The following LRP6 variants were observed in gnomAD, a reference collection of about 807,000 sequenced individuals.
LRP6 encodes the protein low-density lipoprotein receptor-related protein 6.
LRP6 carries 43 observed loss-of-function variants against 184.1 expected under a neutral mutation model. The ratio of observed to expected loss-of-function variants is 0.23; its 90% CI spans 0.18 to 0.30. LRP6 has a LOEUF of 0.30. Ranked by LOEUF, LRP6 falls within the 10% of genes least tolerant of loss-of-function variation. The probability of loss-of-function intolerance (pLI) is 1.00; values close to 1 mark genes in which losing one functional copy is unlikely to be tolerated. For synonymous variants in LRP6, 719 were observed against 684.9 expected (o/e 1.05, Z -0.78); for missense variants, 1,571 against 2,005.3 (o/e 0.78, Z 4.14).
chr12:12,164,565 A>G lies in LRP6; in HGVS notation c.1763-3T>C. ...TTCCTCAGCACAGGGGTTGGAACCT[A>G]AAAGATTAATTATAAAAGGGGCACA... On this transcript the variant is annotated splice_region_variant and splice_polypyrimidine_tract_variant and intron_variant, in intron 8 of 22. Transcript: ENST00000261349. 1 of 1,614,064 alleles carries G rather than the reference A, an allele frequency of 6.2e-7. No homozygotes were observed.
intron 2 of LRP6, among the ~76,000 whole-genome samples, chr12:12,231,180 C>CAAAAAAAAAAAAAAAAAAAAAAAAA (rs10661340): frequency 4.2e-5 from 1 of 23,558 alleles, no homozygotes; most frequent in Non-Finnish European, 6.6e-5. Flanking sequence ...GACTCCATCT[C>CAAAAAAAAAAAAAAAAAAAAAAAAA]AAAAAAAAAA....
At chr12:12,181,494 C>G (rs1342122030) in intron 5 of LRP6, 55 bp from the exon 6 acceptor site, 3 of 857,448 alleles carry the variant, frequency 3.5e-6, no homozygotes, top group Non-Finnish European at 6.0e-6. Flanking sequence ...TAAAATTTAC[C>G]TGCTCTAGAT....
chr12:12,254,173 A>C (rs1045668220), intron 1 of LRP6, among the ~76,000 whole-genome samples: 2 of 151,308 alleles, frequency 1.3e-5, no homozygotes, highest in Non-Finnish European at 2.9e-5. Context: ...AAAGAAAGAA[A>C]GAAAAAGGAA....
rs555876524 is a variant in LRP6 at position 12,155,721 on chromosome 12, T to C, written c.2791+3108A>G. 342 of 1,049,952 alleles carry C rather than the reference T, an allele frequency of 3.3e-4. 5 individuals carry two copies. In the South Asian group the frequency reaches 3.9e-3, roughly 12 times the overall value. 65.0% of individuals were successfully genotyped at this position (1,049,952 alleles called of 1,614,324 possible). On this transcript the variant is annotated intron_variant, in intron 12 of 22. Coordinates refer to ENST00000261349, the MANE Select transcript of LRP6 (RefSeq NM_002336.3). ...GAGAAGCATATTTTGTGAGAACCAG[T>C]GGGAAGGAGCCTGAGCTGCTGGAAC... is the stretch of plus-strand genomic sequence containing the variant.
intron 2 of LRP6, among the ~76,000 whole-genome samples, chr12:12,233,614 T>C (rs1019103169): frequency 5.9e-5 from 9 of 152,170 alleles, no homozygotes; most frequent in African/African-American, 1.4e-4. Flanking sequence ...AAAAACCACA[T>C]ACAACTTGTA....
At chr12:12,184,140 A>G (rs375985781) in intron 4 of LRP6, 29 bp from the exon 5 acceptor site, 1 of 1,599,998 alleles carries the variant, frequency 6.3e-7, no homozygotes, top group African/African-American at 1.3e-5. Context: ...ATTGATTAAT[A>G]TCAATGATTA....
intron 16 of LRP6, 59 bp downstream of exon 16, chr12:12,138,266 C>A (rs562292899): frequency 2.1e-6 from 3 of 1,425,776 alleles, no homozygotes; most frequent in African/African-American, 1.4e-5. Context: ...CACAAAAGTA[C>A]ATATTAATTT....
At chr12:12,143,229 T>C (rs1949957948) in intron 15 of LRP6, among the ~76,000 whole-genome samples, 1 of 152,204 alleles carries the variant, frequency 6.6e-6, no homozygotes, top group Admixed American at 6.5e-5. Flanking sequence ...GCAAGACCTC[T>C]ATGCTGAAAA....
Position 12,243,832 on chromosome 12 carries a change from C to T in LRP6, c.449+430G>A, listed in dbSNP as rs560908591. Among the ~76,000 whole-genome samples, 7 of 152,314 alleles carry T rather than the reference C, an allele frequency of 4.6e-5. No individual in the cohort carries two copies. In the East Asian group the frequency reaches 1.4e-3, roughly 29 times the overall value. ...GTGGTGCGATCTCAGCTCACTGCAACCTCTGCCTCCTGGGTTCAAGTGATT... is the reference window on the plus strand; with the variant it reads ...GTGGTGCGATCTCAGCTCACTGCAATCTCTGCCTCCTGGGTTCAAGTGATT... On this transcript the variant is annotated intron_variant, in intron 2 of 22. Transcript: ENST00000261349.
At chr12:12,142,977 A>C (rs979578155) in intron 15 of LRP6, among the ~76,000 whole-genome samples, 1 of 152,194 alleles carries the variant, frequency 6.6e-6, no homozygotes, top group Non-Finnish European at 1.5e-5. Flanking sequence ...GTATAAGGAA[A>C]GAAAAAAACA....
intron 12 of LRP6, among the ~76,000 whole-genome samples, chr12:12,155,006 G>A (rs1950131014): frequency 6.6e-6 from 1 of 152,112 alleles, no homozygotes; most frequent in African/African-American, 2.4e-5. Flanking sequence ...GACCAGCCTG[G>A]CCAACATGGT....
At chr12:12,231,551 T>C (rs1415367974) in intron 2 of LRP6, among the ~76,000 whole-genome samples, 1 of 152,010 alleles carries the variant, frequency 6.6e-6, no homozygotes, top group African/African-American at 2.4e-5. Flanking sequence ...AAAAATTAAA[T>C]ATAAAAAATG....
intron 1 of LRP6, among the ~76,000 whole-genome samples, chr12:12,254,824 C>T (rs1365722881): frequency 6.6e-6 from 1 of 152,122 alleles, no homozygotes; most frequent in Admixed American, 6.6e-5. Flanking sequence ...GATCACTTCC[C>T]GGCAGGCTCA....
chr12:12,191,329 G>A (rs746170587), intron 3 of LRP6, among the ~76,000 whole-genome samples: 1 of 152,122 alleles, frequency 6.6e-6, no homozygotes, highest in Non-Finnish European at 1.5e-5. Flanking sequence ...GGAGAACAAT[G>A]GGAAAATAAG....
chr12:12,216,160 C>T (rs1864337934), intron 2 of LRP6, among the ~76,000 whole-genome samples: 1 of 152,160 alleles, frequency 6.6e-6, no homozygotes, highest in Non-Finnish European at 1.5e-5. Context: ...ACTTCACTTT[C>T]TTCTGTCTTA....
chr12:12,231,180 C>CAAAAAAAAAAAAAA (rs10661340), intron 2 of LRP6, among the ~76,000 whole-genome samples: 4 of 23,568 alleles, frequency 1.7e-4, no homozygotes, highest in Admixed American at 7.9e-4. Context: ...GACTCCATCT[C>CAAAAAAAAAAAAAA]AAAAAAAAAA....
chr12:12,228,253 C>T (rs1366451713), intron 2 of LRP6, among the ~76,000 whole-genome samples: 4 of 152,040 alleles, frequency 2.6e-5, no homozygotes, highest in African/African-American at 7.3e-5. Flanking sequence ...GTCCCAGCTA[C>T]TGGGGAGGCT....
In LRP6 at chr12:12,253,669, C is replaced by T. The variant is rs754424559; in HGVS notation, c.56-9014G>A. 6.7e-5 allele frequency among the ~76,000 whole-genome samples: 10 copies of T among 148,602 alleles called. No homozygotes were observed. The Admixed American group carries it at 6.9e-4, about 10-fold the overall frequency. ...AATTTCCACCTATGAGTGAGACATG[C>T]GGTGTTTGGTTTTTCGTCCTTGCAA... On this transcript the variant is annotated intron_variant, in intron 1 of 22. Transcript: ENST00000261349.
Position 12,244,760 on chromosome 12 carries a change from A to T in LRP6, c.56-105T>A, listed in dbSNP as rs560717267. The T allele has an allele frequency of 3.9e-5, 39 of 1,006,014 alleles. No individual in the cohort carries two copies. The African/African-American group carries it at 6.2e-4, about 16-fold the overall frequency. The allele number at this position is 1,006,014 out of a possible 1,614,324, so 62.3% of individuals were successfully genotyped here. A position where few individuals can be genotyped will look rare whatever the true frequency, so the allele number is the denominator to read the frequency against. ...TAAGTGAGCAAAGACTGTCGAAAATAAGAAAAGAATAAATAAATCATTAGG... is the reference window on the plus strand; with the variant it reads ...TAAGTGAGCAAAGACTGTCGAAAATTAGAAAAGAATAAATAAATCATTAGG... On this transcript the variant is annotated intron_variant, in intron 1 of 22. Coordinates refer to ENST00000261349, the MANE Select transcript of LRP6 (RefSeq NM_002336.3).
Sources: allele counts gnomAD v4.1 joint callset (sites outside exome capture counted in the v4.1 genomes callset), GRCh38; gene constraint gnomAD v4.1.1; transcripts MANE v1.5; gene names NCBI Gene and HGNC (gene_info 2026-07-23, HGNC 2026-07-21).